Variants in ATRNL1 observed in about 807,000 individuals in gnomAD.
ATRNL1 encodes attractin like 1.
In ATRNL1, 95 loss-of-function variants were observed where a neutral mutation model predicts 182.7. The ratio of observed to expected loss-of-function variants is 0.52; its 90% confidence interval spans 0.44 to 0.62. ATRNL1 has a LOEUF of 0.62. ATRNL1 is among the 20% of genes least tolerant of loss of function. The pLI is 0.00. For synonymous variants in ATRNL1, 576 were observed against 568.3 expected (o/e 1.01, Z -0.19); for missense variants, 1,471 against 1,679.5 (o/e 0.88, Z 2.17).
At chr10:115,303,522 G>A (rs1592411101) in intron 17 of ATRNL1, among the ~76,000 whole-genome samples, 1 of 152,056 alleles carries the variant, frequency 6.6e-6, no homozygotes, top group Non-Finnish European at 1.5e-5. Flanking sequence ...CGCCCGGCCG[G>A]TATCCAAGTT....
At chr10:115,261,815 G>A (rs1490668282) in intron 10 of ATRNL1, among the ~76,000 whole-genome samples, 2 of 151,968 alleles carry the variant, frequency 1.3e-5, no homozygotes, top group Non-Finnish European at 2.9e-5. Context: ...GATTGCTTGA[G>A]CCCAGGAATT....
chr10:115,655,821 G>C (rs1860294003), intron 26 of ATRNL1, among the ~76,000 whole-genome samples: 1 of 152,158 alleles, frequency 6.6e-6, no homozygotes, highest in African/African-American at 2.4e-5. Context: ...TGAGCTGTTA[G>C]GGTCAATATA....
chr10:115,942,486 G>A (rs781944483), intron 28 of ATRNL1, among the ~76,000 whole-genome samples: 3 of 152,136 alleles, frequency 2.0e-5, no homozygotes, highest in Admixed American at 1.3e-4. Flanking sequence ...CTTGACTCCC[G>A]CAACACTGCA....
At chr10:115,928,916 A>G (rs1387993308) in intron 28 of ATRNL1, among the ~76,000 whole-genome samples, 5 of 151,946 alleles carry the variant, frequency 3.3e-5, no homozygotes, top group African/African-American at 1.2e-4. Context: ...TGATTCTCTC[A>G]TACTTTTAAG....
At chr10:115,123,273 C>A (rs2143647503) in intron 3 of ATRNL1, among the ~76,000 whole-genome samples, 1 of 152,226 alleles carries the variant, frequency 6.6e-6, no homozygotes, top group Middle Eastern at 3.4e-3. Flanking sequence ...TAAATGTCAT[C>A]TAATCCTCAC....
At chr10:115,634,072 C>T (rs1415794746) in intron 26 of ATRNL1, among the ~76,000 whole-genome samples, 7 of 151,944 alleles carry the variant, frequency 4.6e-5, no homozygotes, top group Admixed American at 4.6e-4. Flanking sequence ...TTATATGTAA[C>T]ATCTTGATAA....
At chr10:115,184,109 A>G (rs1282974391) in intron 8 of ATRNL1, among the ~76,000 whole-genome samples, 1 of 151,524 alleles carries the variant, frequency 6.6e-6, no homozygotes, top group Non-Finnish European at 1.5e-5. Context: ...GACTATTATG[A>G]AATATATTAA....
intron 21 of ATRNL1, among the ~76,000 whole-genome samples, chr10:115,441,658 C>T (rs1565046637): frequency 6.6e-6 from 1 of 151,914 alleles, no homozygotes; most frequent in East Asian, 1.9e-4. Context: ...TTGATATCAT[C>T]ATTTAGATAT....
chr10:115,267,862 A>G (rs1405485226), intron 12 of ATRNL1, among the ~76,000 whole-genome samples: 2 of 152,056 alleles, frequency 1.3e-5, no homozygotes, highest in Non-Finnish European at 2.9e-5. Flanking sequence ...CCTGGTTTCA[A>G]GCAATTCTGC....
chr10:115,655,882 C>G (rs1860299798), intron 26 of ATRNL1, among the ~76,000 whole-genome samples: 1 of 152,088 alleles, frequency 6.6e-6, no homozygotes, highest in South Asian at 2.1e-4. Flanking sequence ...TATCCTTTGT[C>G]TACTGCAAAA....
chr10:115,261,861 T>C (rs1660374671), intron 10 of ATRNL1, among the ~76,000 whole-genome samples: 1 of 152,026 alleles, frequency 6.6e-6, no homozygotes, highest in Admixed American at 6.6e-5. Flanking sequence ...GCCTAGGCAA[T>C]ATAGCAATTC....
At chr10:115,362,533 ATTATAC>A in intron 19 of ATRNL1, among the ~76,000 whole-genome samples, 1 of 138,704 alleles carries the variant, frequency 7.2e-6, no homozygotes, top group East Asian at 2.0e-4. Flanking sequence ...TTTTTTTTTT[ATTATAC>A]TTTAAGTTTT....
chr10:115,408,136 C>A (rs59360038), intron 20 of ATRNL1, among the ~76,000 whole-genome samples: 1 of 150,756 alleles, frequency 6.6e-6, no homozygotes. Context: ...CCCGAGTAGC[C>A]GGGACTACAG....
At chr10:115,706,779 T>C (rs1162785245) in intron 26 of ATRNL1, among the ~76,000 whole-genome samples, 2 of 151,926 alleles carry the variant, frequency 1.3e-5, no homozygotes, top group East Asian at 1.9e-4. Context: ...CCATGCAGTT[T>C]AGATCAACTG....
intron 26 of ATRNL1, among the ~76,000 whole-genome samples, chr10:115,560,805 A>C (rs1445079149): frequency 1.3e-5 from 2 of 152,184 alleles, no homozygotes; most frequent in Non-Finnish European, 2.9e-5. Context: ...ATAAGACTGG[A>C]CATTTGGATC....
intron 28 of ATRNL1, among the ~76,000 whole-genome samples, chr10:115,928,492 G>A (rs1555120811): frequency 6.6e-6 from 1 of 151,956 alleles, no homozygotes; most frequent in Non-Finnish European, 1.5e-5. Context: ...AAATGTAATT[G>A]TCTATAGTGA....
chr10:115,396,165 A>G (rs1844278169), intron 20 of ATRNL1, among the ~76,000 whole-genome samples: 1 of 151,954 alleles, frequency 6.6e-6, no homozygotes, highest in African/African-American at 2.4e-5. Flanking sequence ...AATTCAGACA[A>G]GGTAAGCACA....
intron 26 of ATRNL1, among the ~76,000 whole-genome samples, chr10:115,594,505 T>TTTTTG (rs1240040951): frequency 1.3e-5 from 2 of 151,884 alleles, no homozygotes; most frequent in African/African-American, 4.8e-5. Flanking sequence ...TAATACTTGT[T>TTTTTG]TTTTGTTTTG....
chr10:115,579,677 C>G (rs893950474), intron 26 of ATRNL1, among the ~76,000 whole-genome samples: 1 of 151,862 alleles, frequency 6.6e-6, no homozygotes, highest in South Asian at 2.1e-4. Context: ...ATTCATTTAG[C>G]CAGCCTATAT....
Sources: allele counts gnomAD v4.1 joint callset (sites outside exome capture counted in the v4.1 genomes callset), GRCh38; gene constraint gnomAD v4.1.1; transcripts MANE v1.5; gene names NCBI Gene and HGNC (gene_info 2026-07-23, HGNC 2026-07-21).